The following CTNNA2 variants were observed in gnomAD, a reference collection of about 807,000 sequenced individuals.
The protein encoded by CTNNA2 is catenin alpha-2.
In CTNNA2, 42 loss-of-function variants were observed where a neutral mutation model predicts 101.0. The observed-to-expected ratio is 0.42, with a 90% confidence interval of 0.32 to 0.54. CTNNA2 has a LOEUF of 0.54. CTNNA2 is among the 20% of genes least tolerant of loss of function. CTNNA2 has a pLI of 0.14. For missense variants in CTNNA2, 871 were observed against 1,223.1 expected (o/e 0.71, Z 4.29); for synonymous variants, 450 against 456.4 (o/e 0.99, Z 0.18).
chr2:79,810,848 G>A (rs1004091702), intron 3 of CTNNA2, among the ~76,000 whole-genome samples: 1 of 151,898 alleles, frequency 6.6e-6, no homozygotes, highest in African/African-American at 2.4e-5. Context: ...CCCTACAAAG[G>A]ACATGAACTC....
chr2:79,472,653 T>C (rs978453179), intron 4 of CTNNA2, among the ~76,000 whole-genome samples: 1 of 152,206 alleles, frequency 6.6e-6, no homozygotes, highest in Non-Finnish European at 1.5e-5. Flanking sequence ...TTCATACCCA[T>C]TACTAATCTC....
At chr2:80,005,818 C>A (rs539871761) in intron 7 of CTNNA2, among the ~76,000 whole-genome samples, 7 of 149,590 alleles carry the variant, frequency 4.7e-5, no homozygotes, top group Non-Finnish European at 1.0e-4. Context: ...AGGACATTTT[C>A]ATATCAGTGG....
At chr2:80,403,469 C>A (rs1238118122) in intron 8 of CTNNA2, among the ~76,000 whole-genome samples, 1 of 152,164 alleles carries the variant, frequency 6.6e-6, no homozygotes, top group Non-Finnish European at 1.5e-5. Context: ...AAATGCATTT[C>A]TTCTTGATGT....
chr2:79,822,192 T>G (rs538432298), intron 3 of CTNNA2, among the ~76,000 whole-genome samples: 1 of 152,074 alleles, frequency 6.6e-6, no homozygotes, highest in African/African-American at 2.4e-5. Flanking sequence ...ACGGTTTTTT[T>G]TTTTAATTTT....
chr2:80,339,878 T>A (rs1309702023), intron 7 of CTNNA2, among the ~76,000 whole-genome samples: 12 of 152,224 alleles, frequency 7.9e-5, no homozygotes, highest in Admixed American at 7.2e-4. Flanking sequence ...ATGTTTTCTG[T>A]AAGCAAGTAA....
rs1706306752 is a variant in CTNNA2, at chr2:80,189,030, G to A, written c.1057-204181G>A. Among the ~76,000 whole-genome samples, 6 of 135,542 alleles carry A rather than the reference G, an allele frequency of 4.4e-5. No homozygotes were observed. The South Asian group carries it at 1.4e-3, about 32-fold the overall frequency. The allele number at this position is 135,542 out of a possible 152,430, so 88.9% of individuals were successfully genotyped here. A position where few individuals can be genotyped will look rare whatever the true frequency, so the allele number is the denominator to read the frequency against. On this transcript the variant is annotated intron_variant, in intron 7 of 18. Transcript: ENST00000402739. ...TACAGTGGCATGATCTCAGCTCACT[G>A]CAACCTCCCATCTCCAGGTTTAAGC...
intron 7 of CTNNA2, among the ~76,000 whole-genome samples, chr2:80,167,441 A>C (rs1704775958): frequency 6.6e-6 from 1 of 152,180 alleles, no homozygotes; most frequent in Admixed American, 6.5e-5. Context: ...GCAATGCAGT[A>C]ATGATATTTA....
At chr2:80,191,107 T>G (rs1187103985) in intron 7 of CTNNA2, among the ~76,000 whole-genome samples, 1 of 152,210 alleles carries the variant, frequency 6.6e-6, no homozygotes, top group Non-Finnish European at 1.5e-5. Flanking sequence ...AAAAGTTAAA[T>G]CAGACAGCAT....
At chr2:79,525,482 C>G (rs1672352093) in intron 1 of CTNNA2, among the ~76,000 whole-genome samples, 1 of 151,860 alleles carries the variant, frequency 6.6e-6, no homozygotes, top group Non-Finnish European at 1.5e-5. Context: ...CATCTTAAAA[C>G]CCTGTGAGCC....
chr2:80,100,164 C>T (rs986820227), intron 7 of CTNNA2, among the ~76,000 whole-genome samples: 4 of 152,068 alleles, frequency 2.6e-5, no homozygotes, highest in Admixed American at 2.6e-4. Context: ...GAACTCCTGA[C>T]CTCAGGTGAT....
intron 9 of CTNNA2, among the ~76,000 whole-genome samples, chr2:80,538,857 G>A (rs1291522720): frequency 6.6e-6 from 1 of 152,178 alleles, no homozygotes; most frequent in African/African-American, 2.4e-5. Context: ...CTGTCCACGA[G>A]CATGGACTGT....
chr2:79,312,610 C>T (rs1335661004), intron 2 of CTNNA2: 1 of 152,092 alleles, frequency 6.6e-6, no homozygotes, highest in African/African-American at 2.4e-5. Flanking sequence ...AAAAATTATT[C>T]CAGGATAGGG....
chr2:79,389,957 A>G (rs6760253), intron 4 of CTNNA2, among the ~76,000 whole-genome samples: 5,311 of 152,246 alleles, frequency 0.035, 280 homozygotes, highest in African/African-American at 0.11. Flanking sequence ...TCTAGGAAGC[A>G]GTACCTACTC....
chr2:79,707,888 A>G (rs1051640441), intron 2 of CTNNA2, among the ~76,000 whole-genome samples: 2 of 152,078 alleles, frequency 1.3e-5, no homozygotes, highest in Non-Finnish European at 2.9e-5. Flanking sequence ...ATGACACTGA[A>G]CTCTAGATAC....
At chr2:79,327,970 G>A (rs978206211) in intron 3 of CTNNA2, among the ~76,000 whole-genome samples, 2 of 147,354 alleles carry the variant, frequency 1.4e-5, no homozygotes, top group Non-Finnish European at 3.1e-5. Context: ...CTGGGCATGG[G>A]GTTGCGGGGG....
chr2:80,249,618 G>A (rs886500883), intron 7 of CTNNA2, among the ~76,000 whole-genome samples: 1 of 152,260 alleles, frequency 6.6e-6, no homozygotes, highest in African/African-American at 2.4e-5. Context: ...GGTTTGATAG[G>A]TGGCTCACGG....
At chr2:79,400,588 T>C (rs760418113) in intron 4 of CTNNA2, among the ~76,000 whole-genome samples, 33 of 151,648 alleles carry the variant, frequency 2.2e-4, no homozygotes, top group Non-Finnish European at 3.7e-4. Context: ...CAATTGAGAG[T>C]ATCCAGTCTG....
intron 2 of CTNNA2, among the ~76,000 whole-genome samples, chr2:79,290,218 TA>T (rs1337553615): frequency 3.9e-5 from 6 of 152,194 alleles, no homozygotes; most frequent in Non-Finnish European, 8.8e-5. Flanking sequence ...ACTGGTCAAC[TA>T]GTACCATTTA....
intron 7 of CTNNA2, among the ~76,000 whole-genome samples, chr2:80,005,160 G>T (rs1693244909): frequency 6.6e-6 from 1 of 152,184 alleles, no homozygotes; most frequent in African/African-American, 2.4e-5. Context: ...GAAATCTTGA[G>T]AATCTGGCAT....
Sources: allele counts gnomAD v4.1 joint callset (sites outside exome capture counted in the v4.1 genomes callset), GRCh38; gene constraint gnomAD v4.1.1; transcripts MANE v1.5; gene names NCBI Gene and HGNC (gene_info 2026-07-23, HGNC 2026-07-21).